The following EIF2S3B variants were observed in gnomAD, a reference collection of about 807,000 sequenced individuals.
EIF2S3B encodes the protein eukaryotic translation initiation factor 2 subunit gamma B.
Under a neutral mutation model 26.4 loss-of-function variants are expected in EIF2S3B, and 16 were observed. That is an observed-to-expected ratio of 0.61 (90% confidence interval 0.41 to 0.92). The LOEUF is 0.92. EIF2S3B is among the 40% of genes least tolerant of loss of function. The pLI, the probability that EIF2S3B is intolerant of heterozygous loss-of-function variation, is 0.00. For missense variants in EIF2S3B, 510 were observed against 575.5 expected (o/e 0.89, Z 1.16); for synonymous variants, 183 against 204.4 (o/e 0.90, Z 0.89).
chr12:10,510,042 C>T (rs1864689159), downstream of EIF2S3B, among the ~76,000 whole-genome samples: 1 of 152,084 alleles, frequency 6.6e-6, no homozygotes, highest in Non-Finnish European at 1.5e-5. Flanking sequence ...TACAGTAAGT[C>T]ATCTCTTTTC....
At chr12:10,508,549 A>AAAAAAAT (rs1864671995), downstream of EIF2S3B, among the ~76,000 whole-genome samples, 1 of 117,340 alleles carries the variant, frequency 8.5e-6, no homozygotes, top group Non-Finnish European at 1.9e-5. Flanking sequence ...AAAAAAAAAA[A>AAAAAAAT]GAAAATATAT....
intron 1 of EIF2S3B, among the ~76,000 whole-genome samples, chr12:10,517,190 C>T (rs1319124861): frequency 6.6e-6 from 1 of 152,122 alleles, no homozygotes; most frequent in African/African-American, 2.4e-5. Context: ...GGAATGGTAC[C>T]AGTTCCTCCT....
downstream of EIF2S3B, among the ~76,000 whole-genome samples, chr12:10,510,224 T>C (rs11829621): frequency 0.039 from 5,971 of 152,236 alleles, 401 homozygotes; most frequent in African/African-American, 0.14. Flanking sequence ...GTCTCTTTAA[T>C]ACCTACTCCC....
Position 10,506,235 on chromosome 12 carries a change from T to G in EIF2S3B, c.333T>G (p.Asp111Glu). 4 of 1,604,190 alleles carry G rather than the reference T, an allele frequency of 2.5e-6. No homozygotes were observed. The highest frequency in any genetic ancestry group is 3.4e-6 in the Non-Finnish European group (4 of 1,170,956). Residue 111 changes from aspartate to glutamate, a missense_variant, in exon 1 of 1, where the codon GAT becomes GAG. Transcript: ENST00000538173. ...CYRSCGSSMP[D>E]EFPTDIPGTK... ...GATCTTGTGGGAGCAGTATGCCTGA[T>G]GAGTTTCCTACAGACATTCCAGGAA...
At chr12:10,521,847 A>G (rs933256210) in intron 1 of EIF2S3B, among the ~76,000 whole-genome samples, 1 of 152,206 alleles carries the variant, frequency 6.6e-6, no homozygotes, top group Non-Finnish European at 1.5e-5. Flanking sequence ...CTTCCACAAA[A>G]CAAAGTGAGC....
chr12:10,515,301 G>A (rs939811047), intron 1 of EIF2S3B, among the ~76,000 whole-genome samples: 3 of 151,060 alleles, frequency 2.0e-5, no homozygotes, highest in Non-Finnish European at 4.4e-5. Flanking sequence ...ATTTCAATCT[G>A]CTTCACTTAA....
Position 10,506,500 on chromosome 12 carries a change from G to C in EIF2S3B, c.598G>C (p.Ala200Pro). 6.2e-7 allele frequency: 1 copy of C among 1,603,406 alleles called. No individual in the cohort carries two copies. The highest frequency in any genetic ancestry group is 8.5e-7 in the Non-Finnish European group (1 of 1,170,238). The change falls in exon 1 of 1, where the codon GCT becomes CCT. Residue 200 changes from alanine (A) to proline (P), a missense_variant. Ala to Pro is a conservative substitution (Grantham distance 27, BLOSUM62 -1). Coordinates refer to ENST00000538173, the MANE Select transcript of EIF2S3B (RefSeq NM_001357734.3). Reference protein sequence around the residue: ...NKIDLVKERQAKEQYEQILAF... With the variant: ...NKIDLVKERQPKEQYEQILAF... ...AATTGATTTGGTAAAAGAAAGGCAG[G>C]CTAAAGAACAATACGAGCAGATCCT... is the stretch of plus-strand genomic sequence containing the variant.
chr12:10,515,093 A>G (rs754324608), intron 1 of EIF2S3B, among the ~76,000 whole-genome samples: 16 of 152,098 alleles, frequency 1.1e-4, no homozygotes, highest in Non-Finnish European at 2.2e-4. Flanking sequence ...ATTTGCAATT[A>G]TAATACCTAA....
intron 1 of EIF2S3B, among the ~76,000 whole-genome samples, chr12:10,521,563 T>G (rs1472927266): frequency 2.0e-5 from 3 of 152,146 alleles, no homozygotes; most frequent in African/African-American, 7.2e-5. Context: ...TACATTTATA[T>G]AAATAACACT....
At chr12:10,514,491 A>G (rs1864735659) in intron 1 of EIF2S3B, among the ~76,000 whole-genome samples, 1 of 152,074 alleles carries the variant, frequency 6.6e-6, no homozygotes, top group Non-Finnish European at 1.5e-5. Flanking sequence ...CCTTCCATAT[A>G]CATGCCAATG....
chr12:10,513,974 C>G (rs1475769792), intron 1 of EIF2S3B, among the ~76,000 whole-genome samples: 1 of 152,138 alleles, frequency 6.6e-6, no homozygotes, highest in Admixed American at 6.5e-5. Flanking sequence ...GAGATAGTCC[C>G]ATGGCACTCC....
intron 1 of EIF2S3B, among the ~76,000 whole-genome samples, chr12:10,518,937 G>C (rs180926273): frequency 1.4e-4 from 21 of 152,230 alleles, no homozygotes; most frequent in Admixed American, 1.0e-3. Context: ...TACTGCCCAA[G>C]GTAATTTATA....
chr12:10,506,222 G>A lies in EIF2S3B; in HGVS notation c.320G>A (p.Ser107Asn). 1 of 1,593,192 alleles carries A rather than the reference G, an allele frequency of 6.3e-7. No homozygotes were observed. Among genetic ancestry groups the A allele is most frequent in the South Asian group, 1.1e-5 (1 of 90,626 alleles). ...CCAGAATGTTATCGATCTTGTGGGAGCAGTATGCCTGATGAGTTTCCTACA... is the reference window on the plus strand; with the variant it reads ...CCAGAATGTTATCGATCTTGTGGGAACAGTATGCCTGATGAGTTTCCTACA... Reference protein sequence around the residue: ...PRPECYRSCGSSMPDEFPTDI... With the variant: ...PRPECYRSCGNSMPDEFPTDI... Residue 107 changes from serine (S) to asparagine (N), a missense_variant, in exon 1 of 1, where the codon AGC (serine) becomes AAC (asparagine). By Grantham distance (46) the Ser-to-Asn change is conservative. Transcript: ENST00000538173.
chr12:10,512,343 C>CA (rs1012708573), downstream of EIF2S3B, among the ~76,000 whole-genome samples: 1 of 152,046 alleles, frequency 6.6e-6, no homozygotes, highest in East Asian at 1.9e-4. Flanking sequence ...GGCCAGCTGG[C>CA]AAAAAAATCA....
chr12:10,506,120 T>G lies in EIF2S3B; in HGVS notation c.218T>G (p.Leu73Arg). ...GVHTVRFKNE[L>R]ERNITIKLGY... ...CACACCGTCAGGTTCAAAAATGAAC[T>G]AGAAAGAAATATTACAATCAAGCTT... is the stretch of plus-strand genomic sequence containing the variant. Residue 73 changes from leucine to arginine, a missense_variant, in exon 1 of 1, where the codon CTA becomes CGA. Physicochemically the swap from Leu to Arg is moderately radical, Grantham distance 102 (BLOSUM62 -2). Coordinates refer to ENST00000538173, the MANE Select transcript of EIF2S3B (RefSeq NM_001357734.3). 6.3e-7 allele frequency: 1 copy of G among 1,585,048 alleles called. No homozygotes were observed. Among genetic ancestry groups the G allele is most frequent in the Non-Finnish European group, 8.7e-7 (1 of 1,153,534 alleles).
At chr12:10,522,822 A>G (rs1864847537) in exon 2 of EIF2S3B, 1 of 515,794 alleles carries the variant, frequency 1.9e-6, no homozygotes, top group East Asian at 2.9e-5. Context: ...GGAAGAACTT[A>G]GGTTCCTGAA....
downstream of EIF2S3B, among the ~76,000 whole-genome samples, chr12:10,508,989 CTTCT>C (rs1183351121): frequency 5.9e-5 from 9 of 152,090 alleles, no homozygotes; most frequent in Admixed American, 5.2e-4. Context: ...CAATACTTAT[CTTCT>C]TTGTTTCTCC....
downstream of EIF2S3B, among the ~76,000 whole-genome samples, chr12:10,513,419 G>C (rs1864723984): frequency 6.6e-6 from 1 of 152,212 alleles, no homozygotes; most frequent in South Asian, 2.1e-4. Flanking sequence ...TGGGGTGGGA[G>C]TTTCAGACTT....
chr12:10,516,701 G>C (rs563409069), intron 1 of EIF2S3B, among the ~76,000 whole-genome samples: 2 of 151,756 alleles, frequency 1.3e-5, no homozygotes, highest in South Asian at 4.2e-4. Context: ...TTTTCAAAGG[G>C]AATGCTTCCA....
Sources: allele counts gnomAD v4.1 joint callset (sites outside exome capture counted in the v4.1 genomes callset), GRCh38; gene constraint gnomAD v4.1.1; transcripts MANE v1.5; gene names NCBI Gene and HGNC (gene_info 2026-07-23, HGNC 2026-07-21).